The following MAF variants were observed in gnomAD, a reference collection of about 807,000 sequenced individuals.
The protein encoded by MAF is transcription factor Maf.
A neutral mutation model predicts 22.0 loss-of-function variants in MAF; 10 were observed. The ratio of observed to expected loss-of-function variants is 0.45; its 90% CI spans 0.28 to 0.77. The LOEUF is 0.77. Among genes scored for constraint, MAF ranks in the 30% least tolerant of loss-of-function variants. The pLI is 0.12. For synonymous variants in MAF, 337 were observed against 255.8 expected (o/e 1.32, Z -3.03); for missense variants, 544 against 548.4 (o/e 0.99, Z 0.08).
the MAF span, among the ~76,000 whole-genome samples, chr16:79,342,580 CACTG>C: frequency 6.6e-6 from 1 of 151,982 alleles, no homozygotes; most frequent in African/African-American, 2.4e-5. Flanking sequence ...CCATCACCAT[CACTG>C]TCACCATCAC....
the MAF span, among the ~76,000 whole-genome samples, chr16:79,221,487 C>G: frequency 2.6e-5 from 4 of 152,160 alleles, no homozygotes; most frequent in Non-Finnish European, 4.4e-5. Flanking sequence ...ACTCATACAT[C>G]TATATCTCAT....
the MAF span, among the ~76,000 whole-genome samples, chr16:79,272,791 G>A: frequency 3.9e-5 from 6 of 152,222 alleles, no homozygotes; most frequent in South Asian, 1.0e-3. Context: ...AACGAGAGGA[G>A]CACCCGATAT....
chr16:79,543,911 C>A, the MAF span, among the ~76,000 whole-genome samples: 6,141 of 152,124 alleles, frequency 0.04, 213 homozygotes, highest in Non-Finnish European at 0.053. Flanking sequence ...TGGTCTCCAT[C>A]TCCAGACCTC....
the MAF span, among the ~76,000 whole-genome samples, chr16:79,498,197 T>C: frequency 6.6e-6 from 1 of 152,158 alleles, no homozygotes; most frequent in Non-Finnish European, 1.5e-5. Context: ...AGTATAACCA[T>C]AGATTATAAC....
chr16:79,468,262 C>A, the MAF span, among the ~76,000 whole-genome samples: 82,005 of 152,060 alleles, frequency 0.54, 25,437 homozygotes, highest in East Asian at 0.71. Context: ...GCAGCCCAGG[C>A]GTCCAAGAAG....
At chr16:79,280,086 A>G in the MAF span, among the ~76,000 whole-genome samples, 2 of 152,236 alleles carry the variant, frequency 1.3e-5, no homozygotes, top group African/African-American at 4.8e-5. Context: ...CAGGAAGACC[A>G]TCAGCTCGAT....
chr16:79,228,310 A>C, the MAF span, among the ~76,000 whole-genome samples: 1 of 152,100 alleles, frequency 6.6e-6, no homozygotes, highest in Non-Finnish European at 1.5e-5. Flanking sequence ...AATACCTAAG[A>C]AACATCCAAA....
At chr16:79,495,075 T>C in the MAF span, among the ~76,000 whole-genome samples, 1 of 152,172 alleles carries the variant, frequency 6.6e-6, no homozygotes, top group African/African-American at 2.4e-5. Flanking sequence ...TTCACCAACC[T>C]AGAAGTTCTC....
At chr16:79,370,939 G>T in the MAF span, among the ~76,000 whole-genome samples, 7 of 152,126 alleles carry the variant, frequency 4.6e-5, no homozygotes, top group African/African-American at 1.4e-4. Flanking sequence ...TTGTTGCTAT[G>T]TAACAATCCA....
chr16:79,537,049 G>A, the MAF span, among the ~76,000 whole-genome samples: 1 of 152,182 alleles, frequency 6.6e-6, no homozygotes, highest in Non-Finnish European at 1.5e-5. Context: ...GTGTGTGTAT[G>A]TGTGGGTGCA....
the MAF span, among the ~76,000 whole-genome samples, chr16:79,361,884 A>G: frequency 6.6e-6 from 1 of 152,216 alleles, no homozygotes; most frequent in Admixed American, 6.5e-5. Context: ...AGGAAAGGAA[A>G]GGAGCAGACA....
chr16:79,460,457 T>C, the MAF span, among the ~76,000 whole-genome samples: 1 of 152,242 alleles, frequency 6.6e-6, no homozygotes, highest in Non-Finnish European at 1.5e-5. Context: ...CCCATTCCAC[T>C]TGGAACTCTA....
chr16:79,437,091 G>A, the MAF span, among the ~76,000 whole-genome samples: 131 of 152,124 alleles, frequency 8.6e-4, no homozygotes, highest in African/African-American at 2.9e-3. Flanking sequence ...CATCTGCCCT[G>A]CCCACTCTCA....
Position 79,599,153 on chromosome 16 carries a change from G to A in MAF, c.750C>T (p.His250=), listed in dbSNP as rs762777790. 9.1e-6 allele frequency: 14 copies of A among 1,542,060 alleles called. No homozygotes were observed. In the African/African-American group the frequency reaches 1.9e-4, roughly 21 times the overall value. The change falls in exon 1 of 2, where the codon CAC becomes CAT. Residue 250 remains histidine (H), a synonymous_variant. Coordinates refer to ENST00000326043, the MANE Select transcript of MAF (RefSeq NM_005360.5). The part of the protein sequence containing the change: ...AGAGGALHPH[H]AAGGLHFDDR... ...CGTCGAAGTGCAGGCCGCCGGCGGC[G>A]TGGTGCGGGTGCAGGGCGCCCCCCG... is the stretch of plus-strand genomic sequence containing the variant.
At chr16:79,447,911 A>AAAAGG in the MAF span, among the ~76,000 whole-genome samples, 2 of 106,334 alleles carry the variant, frequency 1.9e-5, no homozygotes, top group Non-Finnish European at 4.6e-5. Flanking sequence ...AAAAAAAAAG[A>AAAAGG]AAAGAAAAAG....
chr16:79,214,051 G>GAAATGCTTTCCTTCCAGAAACC, the MAF span, among the ~76,000 whole-genome samples: 22 of 152,232 alleles, frequency 1.4e-4, 1 homozygote, highest in South Asian at 4.4e-3. Flanking sequence ...TTCCTCTGCT[G>GAAATGCTTTCCTTCCAGAAACC]AAATGCTTTC....
chr16:79,583,141 T>A (rs1192824046), downstream of MAF, among the ~76,000 whole-genome samples: 3 of 152,174 alleles, frequency 2.0e-5, no homozygotes, highest in African/African-American at 7.2e-5. Context: ...GAAACCACAT[T>A]TGCATTTTAT....
At chr16:79,597,673 CA>C (rs1567564798) in intron 1 of MAF, 1 of 1,018,342 alleles carries the variant, frequency 9.8e-7, no homozygotes, top group Non-Finnish European at 1.2e-6. Context: ...GTTCTAAACT[CA>C]AAAAAGTCAT....
At chr16:79,596,556 A>G in intron 1 of MAF, 1 of 1,049,336 alleles carries the variant, frequency 9.5e-7, no homozygotes, top group East Asian at 5.6e-5. Flanking sequence ...AGAAAAGCAC[A>G]TAGGAACAAC....
Sources: gnomAD v4.1 joint callset for allele counts (sites outside exome capture counted in the v4.1 genomes callset) on GRCh38, gnomAD v4.1.1 for gene constraint, MANE v1.5 for transcripts, NCBI Gene and HGNC (gene_info 2026-07-23, HGNC 2026-07-21) for gene names.